EPHB4: variants seen among roughly 807,000 people sequenced by gnomAD.
EPHB4 encodes ephrin type-B receptor 4.
Under a neutral mutation model 110.6 loss-of-function variants are expected in EPHB4, and 50 were observed. The observed-to-expected ratio is 0.45, with a 90% CI of 0.36 to 0.57. The LOEUF (loss-of-function observed/expected upper bound fraction) is 0.57, where lower values mean the gene tolerates loss of function less well. Among genes scored for constraint, EPHB4 ranks in the 20% least tolerant of loss-of-function variants. The pLI is 0.00. For synonymous variants in EPHB4, 592 were observed against 578.4 expected, an observed-to-expected ratio of 1.02 and a Z score of -0.34; for missense variants, 1,128 against 1,382.1, an observed-to-expected ratio of 0.82 and a Z score of 2.91.
chr7:100,813,269 G>T lies in EPHB4; in HGVS notation c.1757-61C>A, dbSNP rs997380495. The T allele has an allele frequency of 2.9e-6, 4 of 1,364,772 alleles. No homozygotes were observed. The African/African-American group carries it at 5.8e-5, about 20-fold the overall frequency. 84.5% of individuals were successfully genotyped at this position (1,364,772 alleles called of 1,614,324 possible). ...TAACTCCCACTGGACTCGGAGGCTC[G>T]GCTCATAGCTTTTAGCCCCAAACCC... On this transcript the variant is annotated intron_variant, in intron 10 of 16. Coordinates refer to ENST00000358173, the MANE Select transcript of EPHB4 (RefSeq NM_004444.5).
chr7:100,811,456 C>A (rs1232772249), intron 12 of EPHB4, among the ~76,000 whole-genome samples: 1 of 152,114 alleles, frequency 6.6e-6, no homozygotes, highest in African/African-American at 2.4e-5. Context: ...AGTCCCCCTG[C>A]CCCATTAGAC....
chr7:100,822,017 G>A lies in EPHB4; in HGVS notation c.808+254C>T, dbSNP rs562428440. ...CTCTACTAAAATACAAAAATTAGCC[G>A]GGCGTGGTGGCGTGTGCCTGTAGTC... On this transcript the variant is annotated intron_variant, in intron 4 of 16. Coordinates refer to ENST00000358173, the MANE Select transcript of EPHB4 (RefSeq NM_004444.5). The surrounding 1 kb of genome is among the most constrained non-coding windows in gnomAD (Gnocchi z 4.7). 3.1e-4 allele frequency among the ~76,000 whole-genome samples: 47 copies of A among 152,204 alleles called. No homozygotes were observed. The highest frequency in any genetic ancestry group is 3.4e-3 in the Middle Eastern group (1 of 294).
intron 3 of EPHB4, among the ~76,000 whole-genome samples, chr7:100,823,132 A>G (rs1169315084): frequency 6.6e-6 from 1 of 152,190 alleles, no homozygotes; most frequent in African/African-American, 2.4e-5. Context: ...AAATATAGAT[A>G]TAAAAGAAAA....
intron 1 of EPHB4, among the ~76,000 whole-genome samples, chr7:100,826,109 A>C (rs138855527): frequency 6.6e-6 from 1 of 152,336 alleles, no homozygotes; most frequent in Non-Finnish European, 1.5e-5. Context: ...GGGTGTTGGC[A>C]GCTCACTGAA....
Position 100,814,206 on chromosome 7 carries a change from G to A in EPHB4, c.1589-185C>T, listed in dbSNP as rs1813013248. On this transcript the variant is annotated intron_variant, in intron 8 of 16. Transcript: ENST00000358173. ...AGTGGGTTTCAAACTCTCCCCCAGG[G>A]GCCAGCAGGCTCCTCTGAAGTACCT... 5 of 576,020 alleles carry A rather than the reference G, an allele frequency of 8.7e-6. 1 individual carries two copies. The South Asian group carries it at 9.9e-5, about 11-fold the overall frequency. The allele number at this position is 576,020 out of a possible 1,614,324, so 35.7% of individuals were successfully genotyped here. A position where few individuals can be genotyped will look rare whatever the true frequency, so the allele number is the denominator to read the frequency against.
Position 100,823,935 on chromosome 7 carries a change from T to C in EPHB4, c.124-4A>G, listed in dbSNP as rs770521569. On this transcript the variant is annotated splice_polypyrimidine_tract_variant and splice_region_variant and intron_variant, in intron 2 of 16. Coordinates refer to ENST00000358173, the MANE Select transcript of EPHB4 (RefSeq NM_004444.5). ...CCAGGCCGCTCAGTTCCTCCCACTG[T>C]GCAGAGAAGGAGGTCAGCAAGGGGG... 33 of 1,574,898 alleles carry C rather than the reference T, an allele frequency of 2.1e-5. No homozygotes were observed. Among genetic ancestry groups the C allele is most frequent in the Non-Finnish European group, 2.7e-5 (31 of 1,159,100 alleles).
intron 1 of EPHB4, chr7:100,824,534 G>T: frequency 2.0e-6 from 1 of 487,932 alleles, no homozygotes; most frequent in Non-Finnish European, 3.7e-6. Context: ...GAGGAGGGAG[G>T]GAGATCAAAA....
chr7:100,822,483 T>C lies in EPHB4; in HGVS notation c.596A>G (p.Gln199Arg). 1 of 1,612,274 alleles carries C rather than the reference T, an allele frequency of 6.2e-7. No individual in the cohort carries two copies. Among genetic ancestry groups the C allele is most frequent in the South Asian group, 1.1e-5 (1 of 91,016 alleles). ...GAATCGAGTCAGGTTCACAGTCAGC[T>C]GGGCGCACTTTTTGTAGAAGAGGTG... ...SLHLFYKKCA[Q>R]LTVNLTRFPE... The change falls in exon 4 of 17, where the codon CAG (glutamine) becomes CGG (arginine). Residue 199 changes from glutamine to arginine, a missense_variant. Coordinates refer to ENST00000358173, the MANE Select transcript of EPHB4 (RefSeq NM_004444.5). The surrounding 1 kb of genome is among the most constrained non-coding windows in gnomAD (Gnocchi z 4.7).
intron 16 of EPHB4, 114 bp from the exon 17 acceptor site, chr7:100,803,704 C>T (rs991358282): frequency 7.7e-6 from 10 of 1,304,866 alleles, no homozygotes; most frequent in African/African-American, 1.5e-5. Flanking sequence ...GAAAAGCCAG[C>T]GGGGGAGGGA....
intron 12 of EPHB4, among the ~76,000 whole-genome samples, chr7:100,810,336 TAAG>T (rs755103003): frequency 1.1e-4 from 16 of 152,232 alleles, no homozygotes; most frequent in Non-Finnish European, 1.8e-4. Flanking sequence ...AATGATCCCA[TAAG>T]AAGAATTTCA....
chr7:100,816,887 G>T (rs1813083916), intron 8 of EPHB4, among the ~76,000 whole-genome samples: 1 of 151,974 alleles, frequency 6.6e-6, no homozygotes. Context: ...TTCGAGACCA[G>T]CCTGGCCAAC....
In EPHB4 at chr7:100,824,186, C is replaced by G. The variant is rs1006191469; in HGVS notation, c.123+17G>C. On this transcript the variant is annotated intron_variant, in intron 2 of 16. Transcript: ENST00000358173. Reference sequence around the variant, plus strand: ...CAGTTTCCCTCCAGAGCTCCAGCTCCTGGGTGCAGCTCTCACCTGCCCGTC... The same window carrying G: ...CAGTTTCCCTCCAGAGCTCCAGCTCGTGGGTGCAGCTCTCACCTGCCCGTC... 5 of 1,614,124 alleles carry G rather than the reference C, an allele frequency of 3.1e-6. No individual in the cohort carries two copies. In the Admixed American group the frequency reaches 5.0e-5, roughly 16 times the overall value.
chr7:100,813,304 TG>T, intron 10 of EPHB4, 96 bp from the exon 11 acceptor site: 19 of 719,488 alleles, frequency 2.6e-5, no homozygotes, highest in Non-Finnish European at 3.5e-5. Context: ...CCTGTCTCCG[TG>T]GTTTTTTTTT....
chr7:100,819,529 A>G (rs772285971), intron 6 of EPHB4, 28 bp downstream of exon 6: 1 of 1,531,866 alleles, frequency 6.5e-7, no homozygotes, highest in Non-Finnish European at 8.8e-7. Context: ...CCGCCAGACC[A>G]CCAGCCGCCC....
intron 8 of EPHB4, among the ~76,000 whole-genome samples, chr7:100,816,165 C>G (rs544671360): frequency 1.4e-5 from 2 of 141,308 alleles, no homozygotes; most frequent in South Asian, 4.6e-4. Flanking sequence ...GACTCCGTCT[C>G]AAAAAAAAAA....
intron 12 of EPHB4, among the ~76,000 whole-genome samples, chr7:100,810,850 G>A (rs566460161): frequency 5.9e-5 from 9 of 152,312 alleles, no homozygotes; most frequent in Admixed American, 3.9e-4. Flanking sequence ...AGAACAACTA[G>A]AGAAACGTGA....
rs1293382154 is a variant in EPHB4 at position 100,827,081 on chromosome 7, C to A, written c.-51G>T. On this transcript the variant is annotated 5_prime_UTR_variant, in exon 1 of 17. Transcript: ENST00000358173. ...CGAACTGAGTTTGGGGGGCCCTCGCCCCCCCAGGTCTGACTCTCCCTGGGC... is the reference window on the plus strand; with the variant it reads ...CGAACTGAGTTTGGGGGGCCCTCGCACCCCCAGGTCTGACTCTCCCTGGGC... 2 of 1,544,640 alleles carry A rather than the reference C, an allele frequency of 1.3e-6. No individual in the cohort carries two copies. The highest frequency in any genetic ancestry group is 2.4e-5 in the East Asian group (1 of 40,834).
At chr7:100,813,310 T>TC in intron 10 of EPHB4, 102 bp from the exon 11 acceptor site, 1 of 763,944 alleles carries the variant, frequency 1.3e-6, no homozygotes, top group Non-Finnish European at 2.0e-6. Flanking sequence ...TCCGTGGTTT[T>TC]TTTTTTTTTT....
At chr7:100,806,668 C>T (rs975988782) in intron 13 of EPHB4, 99 bp from the exon 14 acceptor site, 1 of 1,418,970 alleles carries the variant, frequency 7.0e-7, no homozygotes, top group Non-Finnish European at 9.4e-7. Flanking sequence ...CTGCTTTTTC[C>T]CCCTAGCTCA....
Sources: gnomAD v4.1 joint callset for allele counts (sites outside exome capture counted in the v4.1 genomes callset) on GRCh38, gnomAD v4.1.1 for gene constraint, Gnocchi (gnomAD v3.1) non-coding constraint, MANE v1.5 for transcripts, NCBI Gene and HGNC (gene_info 2026-07-23, HGNC 2026-07-21) for gene names.